Variants in UBE2E2 observed in about 807,000 individuals in gnomAD.
UBE2E2 encodes the protein ubiquitin conjugating enzyme E2 E2.
In UBE2E2, 6 loss-of-function variants were observed where a neutral mutation model predicts 24.7. The observed-to-expected ratio is 0.24, with a 90% confidence interval of 0.13 to 0.48. The LOEUF (loss-of-function observed/expected upper bound fraction) is 0.48, where lower values mean the gene tolerates loss of function less well. Ranked by LOEUF, UBE2E2 falls within the 20% of genes least tolerant of loss-of-function variation. The probability of loss-of-function intolerance (pLI) is 0.99; values close to 1 mark genes in which losing one functional copy is unlikely to be tolerated. For synonymous variants in UBE2E2, 104 were observed against 83.6 expected (o/e 1.24, Z -1.33); for missense variants, 169 against 245.0 (o/e 0.69, Z 2.07).
chr3:23,473,693 TC>T (rs761520225), intron 3 of UBE2E2, among the ~76,000 whole-genome samples: 1 of 152,144 alleles, frequency 6.6e-6, no homozygotes, highest in Non-Finnish European at 1.5e-5. Context: ...TGTTTGGTTT[TC>T]CATTCCTGAG....
rs1424358943 is a variant in UBE2E2, at chr3:23,589,808, T to C, written c.583T>C (p.Trp195Arg). 6.2e-7 allele frequency: 1 copy of C among 1,614,076 alleles called. No individual in the cohort carries two copies. The highest frequency in any genetic ancestry group is 1.3e-5 in the African/African-American group (1 of 74,934). Residue 195 changes from tryptophan to arginine, a missense_variant, in exon 6 of 6, where the codon TGG becomes CGG. This residue lies in a region of UBE2E2 where 105 missense variants were observed against 180.7 expected (regional missense o/e 0.58). Coordinates refer to ENST00000396703, the MANE Select transcript of UBE2E2 (RefSeq NM_152653.4). This position sits in a 1 kb window ranked among gnomAD's most constrained non-coding sequence, Gnocchi z 4.1. ...RAEHDRMARQWTKRYAT is the reference protein window; with the variant it reads ...RAEHDRMARQRTKRYAT ...AGAGCATGACCGGATGGCCAGACAG[T>C]GGACCAAGCGGTACGCCACATAGGG...
chr3:23,367,929 T>G lies in UBE2E2; in HGVS notation c.228-131679T>G, dbSNP rs144945405. On this transcript the variant is annotated intron_variant, in intron 3 of 5. Transcript: ENST00000396703. ...TGTGTGGGGAAAACTCTTCACACAT[T>G]TGCTCACAGAAATCTTCTGTGTTGA... 4.4e-3 allele frequency among the ~76,000 whole-genome samples: 668 copies of G among 152,242 alleles called. 5 individuals carry two copies. The highest frequency in any genetic ancestry group is 0.015 in the African/African-American group (637 of 41,548).
At chr3:23,304,081 C>T (rs890585588) in intron 3 of UBE2E2, among the ~76,000 whole-genome samples, 2 of 152,142 alleles carry the variant, frequency 1.3e-5, no homozygotes, top group Non-Finnish European at 2.9e-5. Flanking sequence ...AGCTACTATC[C>T]TGCCTGAAGA....
chr3:23,505,939 T>G (rs1694446398), intron 4 of UBE2E2, among the ~76,000 whole-genome samples: 1 of 152,240 alleles, frequency 6.6e-6, no homozygotes, highest in South Asian at 2.1e-4. Context: ...AACAGTGATA[T>G]TCAGCATCTG....
chr3:23,361,085 C>T (rs1206009756), intron 3 of UBE2E2, among the ~76,000 whole-genome samples: 1 of 152,170 alleles, frequency 6.6e-6, no homozygotes, highest in African/African-American at 2.4e-5. Context: ...AAATGCTCAA[C>T]ATCACTGATT....
intron 3 of UBE2E2, among the ~76,000 whole-genome samples, chr3:23,322,706 A>G (rs189348406): frequency 1.3e-5 from 2 of 152,222 alleles, no homozygotes; most frequent in East Asian, 1.9e-4. Flanking sequence ...CTAAGGTTAC[A>G]TATATAACTC....
intron 3 of UBE2E2, among the ~76,000 whole-genome samples, chr3:23,371,036 A>C (rs568352245): frequency 1.2e-4 from 18 of 152,286 alleles, no homozygotes; most frequent in African/African-American, 4.3e-4. Context: ...ATTTTAAAAA[A>C]TTTTTTTAAT....
intron 3 of UBE2E2, among the ~76,000 whole-genome samples, chr3:23,221,563 G>A (rs1292851410): frequency 1.3e-5 from 2 of 151,878 alleles, no homozygotes; most frequent in Non-Finnish European, 2.9e-5. Flanking sequence ...TGTGCTTTTT[G>A]TGTCTGGCTT....
At chr3:23,267,435 A>C (rs1290968195) in intron 3 of UBE2E2, among the ~76,000 whole-genome samples, 1 of 152,358 alleles carries the variant, frequency 6.6e-6, no homozygotes, top group South Asian at 2.1e-4. Flanking sequence ...ACCTCTACAG[A>C]AATAAACTAA....
chr3:23,386,916 T>C (rs1241414382), intron 3 of UBE2E2, among the ~76,000 whole-genome samples: 1 of 152,222 alleles, frequency 6.6e-6, no homozygotes, highest in Non-Finnish European at 1.5e-5. Context: ...AAAATACAAT[T>C]CCTGTTAATA....
At chr3:23,526,955 T>A (rs1695013892) in intron 4 of UBE2E2, among the ~76,000 whole-genome samples, 1 of 152,158 alleles carries the variant, frequency 6.6e-6, no homozygotes, top group South Asian at 2.1e-4. Context: ...AATGTCTCCA[T>A]TTAAAACACC....
At chr3:23,354,513 A>G (rs1298941187) in intron 3 of UBE2E2, among the ~76,000 whole-genome samples, 4 of 152,240 alleles carry the variant, frequency 2.6e-5, no homozygotes, top group Non-Finnish European at 5.9e-5. Flanking sequence ...CAGAATCTAC[A>G]ATGAACTCCA....
At position 23,428,835 on chromosome 3, in the gene UBE2E2, G is replaced by A. The variant is rs541132178; in HGVS notation, c.228-70773G>A. On this transcript the variant is annotated intron_variant, in intron 3 of 5. Transcript: ENST00000396703. ...GTGCCACCACATCACAGTTACTCAGGAGGATCACTTGAGCCTGGGAAATGG... is the reference window on the plus strand; with the variant it reads ...GTGCCACCACATCACAGTTACTCAGAAGGATCACTTGAGCCTGGGAAATGG... Among the ~76,000 whole-genome samples, 20 of 150,448 alleles carry A rather than the reference G, an allele frequency of 1.3e-4. 1 individual carries two copies. In the South Asian group the frequency reaches 4.2e-3, roughly 32 times the overall value.
At position 23,412,121 on chromosome 3, in the gene UBE2E2, C is replaced by G. The variant is rs991972703; in HGVS notation, c.228-87487C>G. ...TACAAGGAAAAGTAGAAAGCTCCCCCCAAGATGGTGCAGAATTAGTTACCA... is the reference window on the plus strand; with the variant it reads ...TACAAGGAAAAGTAGAAAGCTCCCCGCAAGATGGTGCAGAATTAGTTACCA... On this transcript the variant is annotated intron_variant, in intron 3 of 5. Coordinates refer to ENST00000396703, the MANE Select transcript of UBE2E2 (RefSeq NM_152653.4). Among the ~76,000 whole-genome samples the G allele has an allele frequency of 2.0e-5, 3 of 152,084 alleles. No individual in the cohort carries two copies. In the East Asian group the frequency reaches 5.8e-4, roughly 29 times the overall value.
At chr3:23,269,113 T>G (rs143619856) in intron 3 of UBE2E2, among the ~76,000 whole-genome samples, 4,379 of 152,058 alleles carry the variant, frequency 0.029, 113 homozygotes, top group East Asian at 0.13. Flanking sequence ...GAAGAAAACC[T>G]AGGCATTACT....
chr3:23,497,752 A>G (rs1699635585), intron 3 of UBE2E2, among the ~76,000 whole-genome samples: 1 of 152,150 alleles, frequency 6.6e-6, no homozygotes, highest in Non-Finnish European at 1.5e-5. Flanking sequence ...TCAAATTGTC[A>G]CAAATCTCAA....
chr3:23,232,254 A>G (rs1229236825), intron 3 of UBE2E2, among the ~76,000 whole-genome samples: 1 of 152,190 alleles, frequency 6.6e-6, no homozygotes, highest in Non-Finnish European at 1.5e-5. Context: ...CATTCCAAGG[A>G]TTTTAGGAGT....
At chr3:23,253,277 A>G (rs1697628453) in intron 3 of UBE2E2, among the ~76,000 whole-genome samples, 1 of 152,246 alleles carries the variant, frequency 6.6e-6, no homozygotes, top group Non-Finnish European at 1.5e-5. Flanking sequence ...AAAGCAAACA[A>G]CAAACTGGAA....
At chr3:23,548,594 C>G (rs1327126954) in intron 5 of UBE2E2, among the ~76,000 whole-genome samples, 1 of 152,104 alleles carries the variant, frequency 6.6e-6, no homozygotes, top group Non-Finnish European at 1.5e-5. Flanking sequence ...CTCTCTAATC[C>G]CTTTTCCCGT....
Sources: allele counts gnomAD v4.1 joint callset (sites outside exome capture counted in the v4.1 genomes callset), GRCh38; gene constraint gnomAD v4.1.1; regional missense constraint gnomAD v4.1.1; non-coding constraint Gnocchi (gnomAD v3.1); transcripts MANE v1.5; gene names NCBI Gene and HGNC (gene_info 2026-07-23, HGNC 2026-07-21).